Variants in FGF12 observed in about 807,000 individuals in gnomAD.
FGF12 encodes the protein fibroblast growth factor 12, also known as fibroblast growth factor 12B.
Under a neutral mutation model 23.6 loss-of-function variants are expected in FGF12, and 14 were observed. The ratio of observed to expected loss-of-function variants is 0.59; its 90% CI spans 0.39 to 0.93. FGF12 has a LOEUF of 0.93. FGF12 is among the 40% of genes least tolerant of loss of function. The pLI is 0.00. For missense variants in FGF12, 175 were observed against 217.8 expected (o/e 0.80, Z 1.24); for synonymous variants, 62 against 77.3 (o/e 0.80, Z 1.04).
At chr3:192,203,243 T>G (rs1577231555) in intron 4 of FGF12, among the ~76,000 whole-genome samples, 1 of 152,148 alleles carries the variant, frequency 6.6e-6, no homozygotes, top group East Asian at 1.9e-4. Flanking sequence ...TCCTTATAAG[T>G]TGTAGATTTC....
At chr3:192,341,096 C>T (rs1717667313) in intron 3 of FGF12, among the ~76,000 whole-genome samples, 1 of 152,124 alleles carries the variant, frequency 6.6e-6, no homozygotes, top group Non-Finnish European at 1.5e-5. Flanking sequence ...ACATAAGAAA[C>T]TCCTATGACT....
chr3:192,352,893 AAC>A (rs777188953), intron 3 of FGF12, among the ~76,000 whole-genome samples: 4 of 152,174 alleles, frequency 2.6e-5, no homozygotes, highest in Non-Finnish European at 5.9e-5. Flanking sequence ...TAGATCTTTA[AAC>A]ACACTTTGAG....
chr3:192,211,265 T>C (rs1236746042), intron 4 of FGF12, among the ~76,000 whole-genome samples: 2 of 152,162 alleles, frequency 1.3e-5, no homozygotes, highest in Non-Finnish European at 2.9e-5. Context: ...GAATCCAGGA[T>C]GCTTTTGAGA....
chr3:192,651,801 C>T (rs1716223076), intron 2 of FGF12, among the ~76,000 whole-genome samples: 1 of 152,122 alleles, frequency 6.6e-6, no homozygotes, highest in Admixed American at 6.6e-5. Flanking sequence ...AGAGTTAGGA[C>T]CCTTTGATTT....
intron 2 of FGF12, among the ~76,000 whole-genome samples, chr3:192,623,233 A>T (rs901737555): frequency 3.3e-5 from 5 of 152,350 alleles, no homozygotes; most frequent in African/African-American, 1.2e-4. Flanking sequence ...TACCAAATGG[A>T]CTACAAGAGC....
At chr3:192,321,533 T>C (rs1413426375) in intron 4 of FGF12, among the ~76,000 whole-genome samples, 2 of 146,462 alleles carry the variant, frequency 1.4e-5, no homozygotes, top group Non-Finnish European at 3.0e-5. Context: ...AACTATAGGC[T>C]AGTGTCTCTG....
chr3:192,377,422 C>T (rs1203814209), intron 2 of FGF12, among the ~76,000 whole-genome samples: 5 of 152,072 alleles, frequency 3.3e-5, no homozygotes, highest in East Asian at 1.9e-4. Flanking sequence ...TGGTTTTGAG[C>T]GCAACTATGC....
intron 2 of FGF12, among the ~76,000 whole-genome samples, chr3:192,471,405 G>A (rs1219741117): frequency 6.6e-6 from 1 of 152,060 alleles, no homozygotes; most frequent in Non-Finnish European, 1.5e-5. Context: ...TTTGCAAACA[G>A]TGAAAAAGTG....
intron 2 of FGF12, among the ~76,000 whole-genome samples, chr3:192,647,741 G>A (rs1373344465): frequency 3.4e-5 from 5 of 145,094 alleles, no homozygotes; most frequent in African/African-American, 1.3e-4. Context: ...ATACATACAT[G>A]TATATATACA....
chr3:192,530,650 C>T (rs1170891890), intron 2 of FGF12, among the ~76,000 whole-genome samples: 1 of 152,118 alleles, frequency 6.6e-6, no homozygotes, highest in Admixed American at 6.6e-5. Flanking sequence ...GATTTTGCTT[C>T]ATCAAAATTC....
intron 2 of FGF12, among the ~76,000 whole-genome samples, chr3:192,619,019 T>C (rs1451477644): frequency 1.3e-5 from 2 of 151,774 alleles, no homozygotes; most frequent in African/African-American, 2.4e-5. Context: ...AATATATATG[T>C]AATATATACA....
rs186932333 is a variant in FGF12 at position 192,574,605 on chromosome 3, G to A, written c.13+152576C>T. 1.5e-3 allele frequency among the ~76,000 whole-genome samples: 221 copies of A among 152,254 alleles called. 2 individuals are homozygous for A. Among genetic ancestry groups the A allele is most frequent in the African/African-American group, 4.7e-3 (196 of 41,556 alleles). On this transcript the variant is annotated intron_variant, in intron 2 of 5. Coordinates refer to ENST00000445105, the MANE Select transcript of FGF12 (RefSeq NM_004113.6). The stretch of plus-strand genomic sequence containing the variant: ...CATAGCATTCCCCATTCAAACCCCT[G>A]CAATGATTCTCCATTGCTTAGGGGG...
intron 2 of FGF12, among the ~76,000 whole-genome samples, chr3:192,437,075 C>T (rs1722049126): frequency 6.6e-6 from 1 of 151,998 alleles, no homozygotes; most frequent in Non-Finnish European, 1.5e-5. Flanking sequence ...GTGTATAATT[C>T]CTTAAAAGGT....
Position 192,460,678 on chromosome 3 carries a change from A to ATT in FGF12, c.14-100141_14-100140insAA, listed in dbSNP as rs1306179105. Among the ~76,000 whole-genome samples the ATT allele has an allele frequency of 2.8e-4, 36 of 129,234 alleles. No individual in the cohort carries two copies. The East Asian group carries it at 6.6e-3, about 24-fold the overall frequency. The allele number at this position is 129,234 out of a possible 152,430, so 84.8% of individuals were successfully genotyped here. A position where few individuals can be genotyped will look rare whatever the true frequency, so the allele number is the denominator to read the frequency against. On this transcript the variant is annotated intron_variant, in intron 2 of 5. Coordinates refer to ENST00000445105, the MANE Select transcript of FGF12 (RefSeq NM_004113.6). ...TATACATATACACACACACACACATATATTTATATATATATATATATATAT... is the reference window on the plus strand; with the variant it reads ...TATACATATACACACACACACACATATTTATTTATATATATATATATATATAT...
chr3:192,427,068 G>A (rs1390177893), intron 2 of FGF12, among the ~76,000 whole-genome samples: 1 of 152,006 alleles, frequency 6.6e-6, no homozygotes, highest in Non-Finnish European at 1.5e-5. Context: ...TTTCAATAAC[G>A]TTTGTAGAGC....
chr3:192,390,792 T>C (rs1188290661), intron 2 of FGF12, among the ~76,000 whole-genome samples: 2 of 152,202 alleles, frequency 1.3e-5, no homozygotes. Flanking sequence ...GTCCCCAACG[T>C]GGCAAACAAG....
chr3:192,256,036 C>T (rs983340273), intron 4 of FGF12, among the ~76,000 whole-genome samples: 10 of 151,976 alleles, frequency 6.6e-5, no homozygotes, highest in African/African-American at 1.9e-4. Context: ...TTATGCTATT[C>T]CAGAAGATGA....
chr3:192,500,639 G>A (rs1167296094), intron 2 of FGF12, among the ~76,000 whole-genome samples: 1 of 152,162 alleles, frequency 6.6e-6, no homozygotes, highest in Non-Finnish European at 1.5e-5. Context: ...TAACATGAAT[G>A]TAAGAAATCA....
chr3:192,474,885 CAA>C (rs769330773), intron 2 of FGF12, among the ~76,000 whole-genome samples: 51 of 64,358 alleles, frequency 7.9e-4, no homozygotes, highest in Middle Eastern at 7.7e-3. Context: ...AACTTCATCT[CAA>C]AAAAAAAAAA....
Sources: gnomAD v4.1 joint callset for allele counts (sites outside exome capture counted in the v4.1 genomes callset) on GRCh38, gnomAD v4.1.1 for gene constraint, MANE v1.5 for transcripts, NCBI Gene and HGNC (gene_info 2026-07-23, HGNC 2026-07-21) for gene names.